The following LILRA2 variants were observed in gnomAD, a reference collection of about 807,000 sequenced individuals.
LILRA2 encodes the protein leukocyte immunoglobulin-like receptor subfamily A member 2.
Under a neutral mutation model 47.9 loss-of-function variants are expected in LILRA2, and 45 were observed. That is an observed-to-expected ratio of 0.94 (90% CI 0.74 to 1.20). LILRA2 has a LOEUF of 1.20. LILRA2 is among the 50% of genes most tolerant of loss of function. LILRA2 has a pLI of 0.00. For missense variants in LILRA2, 651 were observed against 598.2 expected, an observed-to-expected ratio of 1.09 and a Z score of -0.92; for synonymous variants, 279 against 249.2, an observed-to-expected ratio of 1.12 and a Z score of -1.13.
In LILRA2 at chr19:54,573,884, C is replaced by T. The variant is rs368194162; in HGVS notation, c.6C>T (p.Thr2=). The change falls in exon 1 of 8, where the codon ACC becomes ACT. Residue 2 remains threonine, a synonymous_variant. Coordinates refer to ENST00000391738, the MANE Select transcript of LILRA2 (RefSeq NM_001130917.3). M[T]PILTVLICLG... ...GGGCAGTGGGAGGAGACGCCATGACCCCCATCCTCACGGTCCTGATCTGTC... is the reference window on the plus strand; with the variant it reads ...GGGCAGTGGGAGGAGACGCCATGACTCCCATCCTCACGGTCCTGATCTGTC... 56 of 1,614,098 alleles carry T rather than the reference C, an allele frequency of 3.5e-5. No homozygotes were observed. Among genetic ancestry groups the T allele is most frequent in the Non-Finnish European group, 4.7e-5 (56 of 1,180,038 alleles).
intron 6 of LILRA2, among the ~76,000 whole-genome samples, chr19:54,577,222 TC>T (rs2062489182): frequency 6.7e-6 from 1 of 149,886 alleles, no homozygotes; most frequent in Admixed American, 6.7e-5. Context: ...AGAAAATGTC[TC>T]CAATTTTCTA....
At chr19:54,573,999 G>A in intron 1 of LILRA2, 77 bp from the exon 2 acceptor site, 1 of 1,613,410 alleles carries the variant, frequency 6.2e-7, no homozygotes. Context: ...GACCCCAGGG[G>A]CTCACAAAGA....
intron 3 of LILRA2, 62 bp from the exon 4 acceptor site, chr19:54,574,669 A>G (rs1295130495): frequency 6.2e-7 from 1 of 1,600,132 alleles, no homozygotes; most frequent in Non-Finnish European, 8.5e-7. Context: ...CTCACAGCTC[A>G]ACCCTGGGGA....
At position 54,575,462 on chromosome 19, in the gene LILRA2, T is replaced by C; in HGVS notation, c.862T>C (p.Ser288Pro). 3.1e-6 allele frequency: 5 copies of C among 1,613,678 alleles called. No individual in the cohort carries two copies. The highest frequency in any genetic ancestry group is 4.2e-6 in the Non-Finnish European group (5 of 1,179,950). ...CTTCACCCTGGGCCCTGTGAGCCCC[T>C]CCCACGGGGGCCAGTACAGATGCTA... ...ANFTLGPVSP[S>P]HGGQYRCYSA... The change falls in exon 5 of 8, where the codon TCC becomes CCC. Residue 288 changes from serine (S) to proline (P), a missense_variant. By Grantham distance (74) the Ser-to-Pro change is moderately conservative. Transcript: ENST00000391738.
chr19:54,574,174 T>A (rs2062267458), intron 2 of LILRA2, 63 bp downstream of exon 2: 3 of 1,614,126 alleles, frequency 1.9e-6, no homozygotes, highest in Non-Finnish European at 2.5e-6. Flanking sequence ...GCCACCCCCG[T>A]GCAGCTGGGG....
rs200182124 is a variant in LILRA2 at position 54,575,509 on chromosome 19, C to T, written c.909C>T (p.Ser303=). Residue 303 remains serine (S), a synonymous_variant, in exon 5 of 8, where the codon TCC becomes TCT. Transcript: ENST00000391738. ...YRCYSAHNLS[S]EWSAPSDPLD... is the part of the protein sequence containing the mutation. ...GCTACAGTGCACACAACCTCTCCTC[C>T]GAGTGGTCGGCCCCCAGTGACCCCC... 46 of 1,612,402 alleles carry T rather than the reference C, an allele frequency of 2.9e-5. No individual in the cohort carries two copies. The South Asian group carries it at 2.9e-4, about 10-fold the overall frequency.
chr19:54,575,195 G>T, intron 4 of LILRA2, 61 bp from the exon 5 acceptor site: 4 of 1,559,104 alleles, frequency 2.6e-6, no homozygotes, highest in South Asian at 2.5e-5. Flanking sequence ...GCGGGGGAGA[G>T]GGAGGGTTTG....
rs960924903 is a variant in LILRA2 at position 54,588,853 on chromosome 19, C to CG, written c.*1512dup. ...CTATTTTTTGTATTTTTAGTAGAGA[C>CG]GGGGGTCTCGCCATGTTAGTGAGGC... is the stretch of plus-strand genomic sequence containing the variant. On this transcript the variant is annotated 3_prime_UTR_variant, in exon 8 of 8. Coordinates refer to ENST00000391738, the MANE Select transcript of LILRA2 (RefSeq NM_001130917.3). The CG allele has an allele frequency of 1.3e-5, 2 of 151,610 alleles. No homozygotes were observed. The highest frequency in any genetic ancestry group is 2.9e-5 in the Non-Finnish European group (2 of 67,956). The allele number at this position is 151,610 out of a possible 1,614,324, so 9.4% of individuals were successfully genotyped here.
At position 54,589,860 on chromosome 19, in the gene LILRA2, C is replaced by T. The variant is rs1384278838; in HGVS notation, c.*2514C>T. On this transcript the variant is annotated 3_prime_UTR_variant, in exon 8 of 8. Coordinates refer to ENST00000391738, the MANE Select transcript of LILRA2 (RefSeq NM_001130917.3). ...CAGGCACATGCCAGCTGTTTCCATT[C>T]ATCCAACCTGAACCTGAGCCCCCGA... 1 of 152,222 alleles carries T rather than the reference C, an allele frequency of 6.6e-6. No individual in the cohort carries two copies. Among genetic ancestry groups the T allele is most frequent in the African/African-American group, 2.4e-5 (1 of 41,448 alleles). 9.4% of individuals were successfully genotyped at this position (152,222 alleles called of 1,614,324 possible). A position where few individuals can be genotyped will look rare whatever the true frequency, so the allele number is the denominator to read the frequency against.
Position 54,586,998 on chromosome 19 carries a change from T to C in LILRA2, c.1256-12T>C. ...TGGGCTCAGGGCTCTTCTCCACTGTTTTGATTCTCAGAAGCAGCTGAGACC... is the reference window on the plus strand; with the variant it reads ...TGGGCTCAGGGCTCTTCTCCACTGTCTTGATTCTCAGAAGCAGCTGAGACC... On this transcript the variant is annotated splice_polypyrimidine_tract_variant and intron_variant, in intron 6 of 7. Transcript: ENST00000391738. 6.2e-7 allele frequency: 1 copy of C among 1,608,790 alleles called. No homozygotes were observed. Among genetic ancestry groups the C allele is most frequent in the Non-Finnish European group, 8.5e-7 (1 of 1,176,608 alleles).
chr19:54,583,898 A>G (rs2062718240), intron 6 of LILRA2, among the ~76,000 whole-genome samples: 1 of 152,190 alleles, frequency 6.6e-6, no homozygotes, highest in African/African-American at 2.4e-5. Flanking sequence ...ATGTTTTTGC[A>G]GTGGCTGGCA....
In LILRA2 at chr19:54,574,368, C is replaced by T; in HGVS notation, c.138C>T (p.Thr46=). ...GSVIIQGSPV[T]LRCQGSLQAE... ...TGATCATCCAGGGAAGTCCTGTGAC[C>T]CTCAGGTGTCAGGGGAGCCTTCAGG... Residue 46 remains threonine (T), a synonymous_variant, in exon 3 of 8, where the codon ACC becomes ACT. Coordinates refer to ENST00000391738, the MANE Select transcript of LILRA2 (RefSeq NM_001130917.3). The T allele has an allele frequency of 6.2e-7, 1 of 1,614,218 alleles. No individual in the cohort carries two copies. The highest frequency in any genetic ancestry group is 8.5e-7 in the Non-Finnish European group (1 of 1,180,026).
intron 6 of LILRA2, among the ~76,000 whole-genome samples, chr19:54,580,192 C>CTTTTTTTTTTTTTT (rs1203757541): frequency 8.9e-6 from 1 of 112,022 alleles, no homozygotes. Context: ...TGCCGGTTTT[C>CTTTTTTTTTTTTTT]TTTTCTTTTT....
At chr19:54,573,081 C>T (rs967254121), upstream of LILRA2, 11 of 223,426 alleles carry the variant, frequency 4.9e-5, no homozygotes, top group Admixed American at 3.9e-4. Flanking sequence ...CCTCCCAGGC[C>T]GAAGTATTCC....
chr19:54,585,717 G>A (rs1273117319), intron 6 of LILRA2, among the ~76,000 whole-genome samples: 1 of 152,220 alleles, frequency 6.6e-6, no homozygotes, highest in Non-Finnish European at 1.5e-5. Context: ...CCTTGGCTAG[G>A]AAAGGGAAAT....
upstream of LILRA2, chr19:54,573,788 G>A (rs2062229534): frequency 2.5e-6 from 4 of 1,606,158 alleles, no homozygotes; most frequent in African/African-American, 1.3e-5. Flanking sequence ...GAAGGATCCA[G>A]CCTCCGAGTG....
intron 6 of LILRA2, among the ~76,000 whole-genome samples, chr19:54,579,079 T>A (rs1013647196): frequency 6.6e-6 from 1 of 152,174 alleles, no homozygotes; most frequent in African/African-American, 2.4e-5. Flanking sequence ...TTCACTCTCA[T>A]GATAGTTTCT....
At chr19:54,573,716 C>T (rs1398247619), upstream of LILRA2, 6 of 1,498,368 alleles carry the variant, frequency 4.0e-6, no homozygotes, top group Non-Finnish European at 5.4e-6. Flanking sequence ...GTATGACAGC[C>T]AGGCTCCTGA....
At chr19:54,577,563 G>A (rs1433529055) in intron 6 of LILRA2, 1 of 1,289,740 alleles carries the variant, frequency 7.8e-7, no homozygotes, top group East Asian at 5.6e-5. Flanking sequence ...ATCTGACTGT[G>A]ATGAGGCTGG....
Sources: gnomAD v4.1 joint callset for allele counts (sites outside exome capture counted in the v4.1 genomes callset) on GRCh38, gnomAD v4.1.1 for gene constraint, MANE v1.5 for transcripts, NCBI Gene and HGNC (gene_info 2026-07-23, HGNC 2026-07-21) for gene names.